Variants in HTR1F observed in about 807,000 individuals in gnomAD.
The protein encoded by HTR1F is 5-hydroxytryptamine (serotonin) receptor 1F, G protein-coupled.
HTR1F carries 17 observed loss-of-function variants against 24.0 expected under a neutral mutation model. The ratio of observed to expected loss-of-function variants is 0.71; its 90% confidence interval spans 0.48 to 1.06. HTR1F has a LOEUF of 1.06. Among genes scored for constraint, HTR1F ranks in the 50% least tolerant of loss-of-function variants. The pLI is 0.00. For missense variants in HTR1F, 391 were observed against 427.8 expected, an observed-to-expected ratio of 0.91 and a Z score of 0.76; for synonymous variants, 186 against 156.8, an observed-to-expected ratio of 1.19 and a Z score of -1.39.
intron 1 of HTR1F, among the ~76,000 whole-genome samples, chr3:87,805,219 C>G (rs1030447412): frequency 2.0e-5 from 3 of 151,472 alleles, no homozygotes; most frequent in African/African-American, 7.3e-5. Flanking sequence ...TTTTTTACCA[C>G]TCTTCTCCAA....
Position 87,991,013 on chromosome 3 carries a change from C to T in HTR1F, c.264C>T (p.Ser88=). The change falls in exon 3 of 3, where the codon AGC becomes AGT. Residue 88 remains serine (S), a synonymous_variant. Coordinates refer to ENST00000319595, the MANE Select transcript of HTR1F (RefSeq NM_001322209.2). ...PFSIVYIVRE[S]WIMGQVVCDI... ...GCATTGTGTATATTGTGAGAGAGAG[C>T]TGGATTATGGGGCAAGTGGTCTGTG... 1 of 1,614,086 alleles carries T rather than the reference C, an allele frequency of 6.2e-7. No individual in the cohort carries two copies. Among genetic ancestry groups the T allele is most frequent in the Non-Finnish European group, 8.5e-7 (1 of 1,180,026 alleles).
At chr3:87,853,212 C>A (rs1374867880) in intron 2 of HTR1F, among the ~76,000 whole-genome samples, 1 of 151,858 alleles carries the variant, frequency 6.6e-6, no homozygotes, top group Non-Finnish European at 1.5e-5. Context: ...ATCCTCTCCC[C>A]ACTCCCACTC....
At chr3:87,953,612 T>C (rs1448513832) in intron 2 of HTR1F, among the ~76,000 whole-genome samples, 3 of 151,722 alleles carry the variant, frequency 2.0e-5, no homozygotes, top group Admixed American at 6.6e-5. Context: ...ACAGCCATTA[T>C]GGAACGCAGT....
intron 2 of HTR1F, among the ~76,000 whole-genome samples, chr3:87,915,152 C>G (rs57019520): frequency 0.44 from 66,294 of 151,956 alleles, 15,469 homozygotes; most frequent in African/African-American, 0.61. Flanking sequence ...GGAAAAGGGA[C>G]AGAGTACTAC....
chr3:87,809,912 C>A (rs1319601603), intron 1 of HTR1F, among the ~76,000 whole-genome samples: 1 of 151,916 alleles, frequency 6.6e-6, no homozygotes, highest in Non-Finnish European at 1.5e-5. Context: ...TTCTTAAAAG[C>A]AAAATATTAT....
At chr3:87,962,208 G>C (rs1384064280) in intron 2 of HTR1F, among the ~76,000 whole-genome samples, 1 of 152,046 alleles carries the variant, frequency 6.6e-6, no homozygotes, top group African/African-American at 2.4e-5. Context: ...TGAGAATTCA[G>C]AATAGCTGAT....
chr3:87,833,814 C>G (rs942286144), intron 2 of HTR1F, among the ~76,000 whole-genome samples: 18 of 152,070 alleles, frequency 1.2e-4, no homozygotes, highest in African/African-American at 4.3e-4. Flanking sequence ...GCCTATAAAG[C>G]CCTTTTTTTT....
intron 2 of HTR1F, among the ~76,000 whole-genome samples, chr3:87,837,776 G>C (rs1197656638): frequency 6.6e-6 from 1 of 151,812 alleles, no homozygotes; most frequent in African/African-American, 2.4e-5. Context: ...TAAGTGAAAG[G>C]TACTTAGCCC....
At chr3:87,926,625 C>G (rs964765998) in intron 2 of HTR1F, among the ~76,000 whole-genome samples, 5 of 151,876 alleles carry the variant, frequency 3.3e-5, no homozygotes, top group Non-Finnish European at 7.4e-5. Flanking sequence ...TCTTTTAGTC[C>G]GTGGGAAAAA....
intron 2 of HTR1F, among the ~76,000 whole-genome samples, chr3:87,929,533 C>G (rs1294139996): frequency 1.3e-5 from 2 of 152,046 alleles, no homozygotes; most frequent in Non-Finnish European, 2.9e-5. Flanking sequence ...GCCAGTTATC[C>G]CAGCATCATT....
chr3:87,943,170 G>A (rs1186222289), intron 2 of HTR1F, among the ~76,000 whole-genome samples: 1 of 152,160 alleles, frequency 6.6e-6, no homozygotes, highest in Non-Finnish European at 1.5e-5. Context: ...CTGGCCTGTG[G>A]GGAATCGTTC....
chr3:87,954,983 A>G (rs1704913225), intron 2 of HTR1F, among the ~76,000 whole-genome samples: 1 of 150,942 alleles, frequency 6.6e-6, no homozygotes, highest in Non-Finnish European at 1.5e-5. Flanking sequence ...AATGTTCTGG[A>G]CTGTAGCTAC....
chr3:87,873,926 C>A (rs560198543), intron 2 of HTR1F, among the ~76,000 whole-genome samples: 7 of 152,188 alleles, frequency 4.6e-5, no homozygotes, highest in Admixed American at 3.3e-4. Context: ...AAATTTAACA[C>A]CCATTCATGA....
At chr3:87,976,146 A>G (rs1289544513) in intron 2 of HTR1F, among the ~76,000 whole-genome samples, 3 of 152,248 alleles carry the variant, frequency 2.0e-5, no homozygotes, top group African/African-American at 7.2e-5. Flanking sequence ...TAAAGATTAA[A>G]AAAGAGAATG....
intron 2 of HTR1F, among the ~76,000 whole-genome samples, chr3:87,980,014 A>G (rs1392329673): frequency 6.6e-6 from 1 of 152,186 alleles, no homozygotes; most frequent in Admixed American, 6.5e-5. Context: ...GTGTTCCTGG[A>G]AAGGCCACAA....
intron 2 of HTR1F, among the ~76,000 whole-genome samples, chr3:87,896,573 C>A: frequency 6.6e-6 from 1 of 152,046 alleles, no homozygotes; most frequent in African/African-American, 2.4e-5. Context: ...ACAAATGAGA[C>A]AACATCAAAC....
chr3:87,893,943 T>C (rs1339758781), intron 2 of HTR1F, among the ~76,000 whole-genome samples: 1 of 152,160 alleles, frequency 6.6e-6, no homozygotes, highest in Non-Finnish European at 1.5e-5. Flanking sequence ...CTTCCTCAGT[T>C]TACCTAAATT....
intron 1 of HTR1F, among the ~76,000 whole-genome samples, chr3:87,798,834 C>A (rs1409996708): frequency 2.6e-5 from 4 of 152,196 alleles, no homozygotes; most frequent in Non-Finnish European, 5.9e-5. Context: ...CTCAGAGACA[C>A]TTGTCTTTCC....
At chr3:87,899,808 A>G (rs769731454) in intron 2 of HTR1F, among the ~76,000 whole-genome samples, 1 of 152,214 alleles carries the variant, frequency 6.6e-6, no homozygotes, top group Admixed American at 6.5e-5. Flanking sequence ...GGTTGCAGTG[A>G]GCCAAGATTG....
Sources: allele counts gnomAD v4.1 joint callset (sites outside exome capture counted in the v4.1 genomes callset), GRCh38; gene constraint gnomAD v4.1.1; transcripts MANE v1.5; gene names NCBI Gene and HGNC (gene_info 2026-07-23, HGNC 2026-07-21).